The following MOB3B variants were observed in gnomAD, a reference collection of about 807,000 sequenced individuals.
MOB3B encodes the protein MOB kinase activator 3B, also known as MOB kinase activator-like 2B.
MOB3B carries 7 observed loss-of-function variants against 18.7 expected under a neutral mutation model. The ratio of observed to expected loss-of-function variants is 0.37; its 90% CI spans 0.21 to 0.70. MOB3B has a LOEUF of 0.70. MOB3B is among the 30% of genes least tolerant of loss of function. MOB3B has a pLI of 0.52. For synonymous variants in MOB3B, 111 were observed against 99.9 expected, an observed-to-expected ratio of 1.11 and a Z score of -0.66; for missense variants, 253 against 281.3, an observed-to-expected ratio of 0.90 and a Z score of 0.72.
At chr9:27,395,868 C>T (rs1750948100) in intron 2 of MOB3B, among the ~76,000 whole-genome samples, 2 of 152,074 alleles carry the variant, frequency 1.3e-5, no homozygotes, top group South Asian at 2.1e-4. Context: ...CAATAGGACT[C>T]GTTCAAGGAG....
Position 27,481,554 on chromosome 9 carries a change from G to C in MOB3B, c.-198-25806C>G, listed in dbSNP as rs1819656167. On this transcript the variant is annotated intron_variant, in intron 1 of 3. Coordinates refer to ENST00000262244, the MANE Select transcript of MOB3B (RefSeq NM_024761.5). ...TTTTTTTGAGACGGAGTCTAGCTCT[G>C]TCGCCCAGGCTGGAGTGCAGGAGTA... Among the ~76,000 whole-genome samples, 3 of 127,348 alleles carry C rather than the reference G, an allele frequency of 2.4e-5. 1 individual carries two copies. The South Asian group carries it at 7.4e-4, about 31-fold the overall frequency. The allele number at this position is 127,348 out of a possible 152,430, so 83.5% of individuals were successfully genotyped here.
chr9:27,419,786 A>G (rs1273298538), intron 2 of MOB3B, among the ~76,000 whole-genome samples: 1 of 152,224 alleles, frequency 6.6e-6, no homozygotes, highest in Non-Finnish European at 1.5e-5. Flanking sequence ...AATGCAATAA[A>G]AACAAAGACA....
At chr9:27,417,968 T>C (rs1822180051) in intron 2 of MOB3B, among the ~76,000 whole-genome samples, 1 of 151,550 alleles carries the variant, frequency 6.6e-6, no homozygotes, top group African/African-American at 2.4e-5. Context: ...GGCACACGCC[T>C]GTGGTCCCAG....
chr9:27,353,046 C>T lies in MOB3B; in HGVS notation c.621+5988G>A, dbSNP rs150979347. Among the ~76,000 whole-genome samples, 16 of 152,286 alleles carry T rather than the reference C, an allele frequency of 1.1e-4. No homozygotes were observed. In the East Asian group the frequency reaches 2.7e-3, roughly 26 times the overall value. On this transcript the variant is annotated intron_variant, in intron 3 of 3. Transcript: ENST00000262244. ...GGCAAACACTGATCTTCAGATTTTT[C>T]TCCTTTTTGCTTTACTTCCCCACCC... is the stretch of plus-strand genomic sequence containing the variant.
chr9:27,463,892 G>C (rs780633240), intron 1 of MOB3B, among the ~76,000 whole-genome samples: 7 of 152,078 alleles, frequency 4.6e-5, no homozygotes, highest in Non-Finnish European at 1.0e-4. Context: ...GGGATGTCCA[G>C]ACTGCAGTGA....
At chr9:27,459,082 C>A (rs1819238050) in intron 1 of MOB3B, among the ~76,000 whole-genome samples, 2 of 151,782 alleles carry the variant, frequency 1.3e-5, no homozygotes, top group South Asian at 4.2e-4. Context: ...CACTGAACGA[C>A]AGAACAAAGA....
chr9:27,430,454 C>A (rs552687610), intron 2 of MOB3B, among the ~76,000 whole-genome samples: 3 of 152,144 alleles, frequency 2.0e-5, no homozygotes, highest in Admixed American at 6.5e-5. Flanking sequence ...GAGGACCAGG[C>A]GGGGAGGGTA....
At chr9:27,428,830 G>T (rs1015448326) in intron 2 of MOB3B, among the ~76,000 whole-genome samples, 3 of 152,156 alleles carry the variant, frequency 2.0e-5, no homozygotes, top group Non-Finnish European at 2.9e-5. Context: ...TAAGGGACTG[G>T]GTGGGTTGCT....
chr9:27,400,024 C>T lies in MOB3B; in HGVS notation c.419-40788G>A, dbSNP rs149937931. On this transcript the variant is annotated intron_variant, in intron 2 of 3. Coordinates refer to ENST00000262244, the MANE Select transcript of MOB3B (RefSeq NM_024761.5). ...GCCCCTGCCTTAAATCAGGTACTTA[C>T]TTCTCCCCTGGAAATTACAGCTGCC... Among the ~76,000 whole-genome samples the T allele has an allele frequency of 1.0e-3, 157 of 152,278 alleles. 1 individual carries two copies. Among genetic ancestry groups the T allele is most frequent in the African/African-American group, 3.5e-3 (145 of 41,560 alleles).
At chr9:27,337,964 G>A (rs2131335603) in intron 3 of MOB3B, among the ~76,000 whole-genome samples, 1 of 152,248 alleles carries the variant, frequency 6.6e-6, no homozygotes, top group Admixed American at 6.5e-5. Flanking sequence ...GGTCCTAGAG[G>A]TAACAGCCAC....
At chr9:27,365,232 G>A (rs768178674) in intron 2 of MOB3B, among the ~76,000 whole-genome samples, 14 of 151,098 alleles carry the variant, frequency 9.3e-5, no homozygotes, top group Non-Finnish European at 1.6e-4. Context: ...ATATAGTCCT[G>A]GCATGGAAGG....
intron 2 of MOB3B, among the ~76,000 whole-genome samples, chr9:27,361,851 C>G (rs1386045336): frequency 6.6e-6 from 1 of 152,190 alleles, no homozygotes; most frequent in African/African-American, 2.4e-5. Context: ...CTGGGCAGCT[C>G]AAACTCCCTC....
intron 2 of MOB3B, among the ~76,000 whole-genome samples, chr9:27,410,081 T>C (rs766016609): frequency 5.9e-5 from 9 of 152,196 alleles, no homozygotes; most frequent in Non-Finnish European, 1.3e-4. Context: ...AAATGGTAAG[T>C]TTTATGTTAT....
intron 2 of MOB3B, among the ~76,000 whole-genome samples, chr9:27,372,955 C>A (rs1439224191): frequency 6.6e-6 from 1 of 152,190 alleles, no homozygotes; most frequent in African/African-American, 2.4e-5. Context: ...TATATGGGAA[C>A]TCTGTACTAT....
rs529827030 is a variant in MOB3B at position 27,519,414 on chromosome 9, A to T, written c.-199+10141T>A. On this transcript the variant is annotated intron_variant, in intron 1 of 3. Coordinates refer to ENST00000262244, the MANE Select transcript of MOB3B (RefSeq NM_024761.5). Reference sequence around the variant, plus strand: ...CACACAGATAAACTTCTAGGATTCAACCTCAAAGCATATCACAATTTTTAT... The same window carrying T: ...CACACAGATAAACTTCTAGGATTCATCCTCAAAGCATATCACAATTTTTAT... Among the ~76,000 whole-genome samples the T allele has an allele frequency of 1.5e-4, 23 of 152,320 alleles. 1 individual carries two copies. The highest frequency in any genetic ancestry group is 1.4e-3 in the Admixed American group (22 of 15,308).
chr9:27,407,291 A>C (rs1587188927), intron 2 of MOB3B, among the ~76,000 whole-genome samples: 1 of 152,174 alleles, frequency 6.6e-6, no homozygotes, highest in African/African-American at 2.4e-5. Context: ...GGATGCTGCC[A>C]TTTCTTGTGA....
chr9:27,386,129 C>G (rs928948965), intron 2 of MOB3B, among the ~76,000 whole-genome samples: 40 of 152,194 alleles, frequency 2.6e-4, no homozygotes, highest in African/African-American at 9.4e-4. Context: ...ACTGGGTGCC[C>G]AAGAATGAGT....
chr9:27,451,956 G>A (rs144234848), intron 2 of MOB3B, among the ~76,000 whole-genome samples: 251 of 152,298 alleles, frequency 1.6e-3, no homozygotes, highest in African/African-American at 5.9e-3. Flanking sequence ...AATCACAGAG[G>A]TGAGCAGGAG....
chr9:27,332,570 T>A (rs1820804962), intron 3 of MOB3B, among the ~76,000 whole-genome samples: 1 of 152,144 alleles, frequency 6.6e-6, no homozygotes, highest in Admixed American at 6.5e-5. Context: ...AACTATGACC[T>A]CCAATGGACA....
Sources: gnomAD v4.1 joint callset for allele counts (sites outside exome capture counted in the v4.1 genomes callset) on GRCh38, gnomAD v4.1.1 for gene constraint, MANE v1.5 for transcripts, NCBI Gene and HGNC (gene_info 2026-07-23, HGNC 2026-07-21) for gene names.